The following TLN2 variants were observed in gnomAD, a reference collection of about 807,000 sequenced individuals.
TLN2 encodes the protein talin 2, also known as talin-2.
A neutral mutation model predicts 294.7 loss-of-function variants in TLN2; 118 were observed. That is an observed-to-expected ratio of 0.40 (90% CI 0.34 to 0.47). The LOEUF (loss-of-function observed/expected upper bound fraction) is 0.47. Ranked by LOEUF, TLN2 falls within the 20% of genes least tolerant of loss-of-function variation. TLN2 has a pLI of 0.84. For synonymous variants in TLN2, 1,431 were observed against 1,304.5 expected, an observed-to-expected ratio of 1.10 and a Z score of -2.09; for missense variants, 3,083 against 3,282.2, an observed-to-expected ratio of 0.94 and a Z score of 1.48.
At chr15:62,448,185 C>T (rs1336172045) in intron 1 of TLN2, among the ~76,000 whole-genome samples, 2 of 152,210 alleles carry the variant, frequency 1.3e-5, no homozygotes, top group African/African-American at 4.8e-5. Context: ...TGGATCCTCT[C>T]AGTTGTCCTG....
At chr15:62,792,907 C>T in intron 46 of TLN2, 120 bp downstream of exon 46, 1 of 1,458,988 alleles carries the variant, frequency 6.9e-7, no homozygotes, top group Non-Finnish European at 9.2e-7. Flanking sequence ...TCAGCTGTCT[C>T]ATCCCGATCT....
intron 1 of TLN2, among the ~76,000 whole-genome samples, chr15:62,531,117 C>G (rs2041018990): frequency 6.6e-6 from 1 of 152,204 alleles, no homozygotes; most frequent in Non-Finnish European, 1.5e-5. Context: ...TTATGGAGAT[C>G]TCTACTCTCA....
At chr15:62,391,938 C>CA (rs2140218449) in intron 1 of TLN2, among the ~76,000 whole-genome samples, 1 of 152,288 alleles carries the variant, frequency 6.6e-6, no homozygotes, top group African/African-American at 2.4e-5. Context: ...AGAGCGTTCT[C>CA]CCGGTGCCCG....
chr15:62,669,620 A>G (rs2055152136), intron 9 of TLN2, among the ~76,000 whole-genome samples: 1 of 152,174 alleles, frequency 6.6e-6, no homozygotes, highest in Non-Finnish European at 1.5e-5. Context: ...CTTAATTAGG[A>G]AAATTTCCAA....
intron 11 of TLN2, among the ~76,000 whole-genome samples, chr15:62,682,422 A>G (rs1192765141): frequency 6.6e-6 from 1 of 152,184 alleles, no homozygotes; most frequent in African/African-American, 2.4e-5. Context: ...CGAGTCATAT[A>G]ATGAATTCAT....
At chr15:62,793,120 G>A (rs1166562590) in intron 46 of TLN2, among the ~76,000 whole-genome samples, 4 of 152,250 alleles carry the variant, frequency 2.6e-5, no homozygotes, top group Non-Finnish European at 4.4e-5. Flanking sequence ...GAGGCCTGGA[G>A]CCAGAGCCCT....
intron 1 of TLN2, among the ~76,000 whole-genome samples, chr15:62,453,307 A>T (rs138702178): frequency 4.5e-4 from 67 of 149,118 alleles, no homozygotes; most frequent in African/African-American, 1.4e-3. Context: ...TAAAAGTAGG[A>T]TTGGAAAGTA....
intron 44 of TLN2, 92 bp downstream of exon 44, chr15:62,781,333 A>T: frequency 1.0e-6 from 1 of 967,562 alleles, no homozygotes; most frequent in Non-Finnish European, 1.6e-6. Flanking sequence ...TGTGTCAGAG[A>T]GAGAGCCCAG....
intron 3 of TLN2, among the ~76,000 whole-genome samples, chr15:62,636,014 A>C (rs1324611222): frequency 6.6e-6 from 1 of 152,140 alleles, no homozygotes; most frequent in Non-Finnish European, 1.5e-5. Flanking sequence ...ACCTCTTAGC[A>C]TGGGGTTATG....
chr15:62,513,233 G>T (rs1370071853), intron 1 of TLN2, among the ~76,000 whole-genome samples: 1 of 152,134 alleles, frequency 6.6e-6, no homozygotes, highest in East Asian at 1.9e-4. Context: ...TTACTGCTTT[G>T]CAGGCCCTTT....
chr15:62,603,359 C>T (rs968998499), intron 2 of TLN2, among the ~76,000 whole-genome samples: 3 of 152,090 alleles, frequency 2.0e-5, no homozygotes, highest in Non-Finnish European at 4.4e-5. Context: ...CTTAGTTAAG[C>T]AAGGCATACT....
chr15:62,434,516 T>TA (rs2035190965), intron 1 of TLN2, among the ~76,000 whole-genome samples: 1 of 152,224 alleles, frequency 6.6e-6, no homozygotes, highest in South Asian at 2.1e-4. Context: ...CAAGTGTGAG[T>TA]ACAGCTGTGG....
At chr15:62,722,754 C>G (rs1001347163) in intron 26 of TLN2, among the ~76,000 whole-genome samples, 4 of 152,162 alleles carry the variant, frequency 2.6e-5, no homozygotes, top group Non-Finnish European at 5.9e-5. Context: ...CTTTCCATAT[C>G]CTGGAACAAG....
At chr15:62,465,842 A>G (rs2037104977) in intron 1 of TLN2, among the ~76,000 whole-genome samples, 1 of 152,174 alleles carries the variant, frequency 6.6e-6, no homozygotes, top group Non-Finnish European at 1.5e-5. Context: ...AGAGCAGAAC[A>G]TAGAATTGGA....
rs2471033 is a variant in TLN2 at position 62,429,131 on chromosome 15, T to A, written c.-238+38446T>A. Among the ~76,000 whole-genome samples the A allele has an allele frequency of 3.6e-3, 498 of 138,772 alleles. 5 individuals carry two copies. The highest frequency in any genetic ancestry group is 0.012 in the African/African-American group (461 of 37,620). The allele number at this position is 138,772 out of a possible 152,430, so 91.0% of individuals were successfully genotyped here. ...GGTGGGAACCGGGGTTGGCGGGGGT[T>A]GGGGGGGTAGTGGTGAGCCCTAAGC... is the stretch of plus-strand genomic sequence containing the variant. On this transcript the variant is annotated intron_variant, in intron 1 of 58. Coordinates refer to ENST00000636159, the MANE Select transcript of TLN2 (RefSeq NM_015059.3).
At chr15:62,604,259 G>C (rs897856527) in intron 2 of TLN2, among the ~76,000 whole-genome samples, 3 of 152,120 alleles carry the variant, frequency 2.0e-5, no homozygotes, top group African/African-American at 7.2e-5. Flanking sequence ...GCTCTCAACT[G>C]TAATTCAGCA....
At chr15:62,734,372 A>G (rs933741246) in intron 28 of TLN2, among the ~76,000 whole-genome samples, 3 of 152,360 alleles carry the variant, frequency 2.0e-5, no homozygotes, top group African/African-American at 7.2e-5. Context: ...GGTCAGAGCT[A>G]GGAACTCAGC....
At chr15:62,475,552 C>A (rs527977036) in intron 1 of TLN2, among the ~76,000 whole-genome samples, 1 of 152,294 alleles carries the variant, frequency 6.6e-6, no homozygotes, top group Non-Finnish European at 1.5e-5. Flanking sequence ...TGGGATGGTT[C>A]TGGTCTTGGG....
chr15:62,795,198 C>T (rs752964662), intron 46 of TLN2, among the ~76,000 whole-genome samples: 34 of 151,992 alleles, frequency 2.2e-4, no homozygotes, highest in Non-Finnish European at 3.2e-4. Context: ...TGGCATCTGA[C>T]GGGGCAACTA....
Sources: allele counts gnomAD v4.1 joint callset (sites outside exome capture counted in the v4.1 genomes callset), GRCh38; gene constraint gnomAD v4.1.1; transcripts MANE v1.5; gene names NCBI Gene and HGNC (gene_info 2026-07-23, HGNC 2026-07-21).